ATP2B3: variants seen among roughly 807,000 people sequenced by gnomAD.
ATP2B3 encodes the protein ATPase plasma membrane Ca2+ transporting 3.
In ATP2B3, 12 loss-of-function variants were observed where a neutral mutation model predicts 70.8. The observed-to-expected ratio is 0.17, with a 90% CI of 0.11 to 0.27. The LOEUF (loss-of-function observed/expected upper bound fraction) is 0.27, where lower values mean the gene tolerates loss of function less well. Among genes scored for constraint, ATP2B3 ranks in the 10% least tolerant of loss-of-function variants. ATP2B3 has a pLI of 1.00. For missense variants in ATP2B3, 858 were observed against 1,118.5 expected, an observed-to-expected ratio of 0.77 and a Z score of 3.32; for synonymous variants, 460 against 497.8, an observed-to-expected ratio of 0.92 and a Z score of 1.01.
At chrX:153,529,703 C>T (rs781799857) in intron 2 of ATP2B3, among the ~76,000 whole-genome samples, 6 of 112,115 alleles carry the variant, frequency 5.4e-5, no homozygotes, top group Non-Finnish European at 1.1e-4. Flanking sequence ...GCTCTGGCCC[C>T]GTTCAACCCC....
intron 7 of ATP2B3, 125 bp from the exon 8 acceptor site, chrX:153,545,963 C>T (rs1001448266): frequency 4.2e-6 from 3 of 710,614 alleles, no homozygotes; most frequent in Non-Finnish European, 6.5e-6. Flanking sequence ...CGGGGTGAGC[C>T]TGGAGAGGAC....
Position 153,518,556 on chromosome X carries a change from G to C in ATP2B3, c.-127+5G>C, listed in dbSNP as rs3020939. On this transcript the variant is annotated splice_donor_5th_base_variant and intron_variant, in intron 2 of 21. Transcript: ENST00000263519. The stretch of plus-strand genomic sequence containing the variant: ...TTCTGGAATTTGGAATGGCAGGTGC[G>C]GCATCTCCCAGAGCCTGAGACGATG... Among the ~76,000 whole-genome samples the C allele has an allele frequency of 0.052, 5,772 of 112,038 alleles. 373 individuals are homozygous for C. The highest frequency in any genetic ancestry group is 0.18 in the African/African-American group (5,518 of 30,743).
chrX:153,558,117 C>T lies in ATP2B3; in HGVS notation c.2439C>T (p.Ile813=), dbSNP rs138836691. Reference sequence around the variant, plus strand: ...TGTGTGTGTCACCCCCCCAGGGCATCGCAGGGACCGACGTGGCCAAGGAGG... The same window carrying T: ...TGTGTGTGTCACCCCCCCAGGGCATTGCAGGGACCGACGTGGCCAAGGAGG... ...KKADVGFAMG[I]AGTDVAKEAS... Residue 813 remains isoleucine, a synonymous_variant, in exon 17 of 22, where the codon ATC becomes ATT. Transcript: ENST00000263519. 8.9e-5 allele frequency: 107 copies of T among 1,205,611 alleles called. No individual in the cohort carries two copies. In the African/African-American group the frequency reaches 1.6e-3, roughly 18 times the overall value.
chrX:153,572,120 A>G (rs1369924279), intron 21 of ATP2B3, among the ~76,000 whole-genome samples: 2 of 113,010 alleles, frequency 1.8e-5, no homozygotes, highest in African/African-American at 6.4e-5. Context: ...ACTGGGTCCC[A>G]TAAGCAGCCA....
In ATP2B3 at chrX:153,550,344, T is replaced by C. The variant is rs1569534648; in HGVS notation, c.1823+58T>C. 2.5e-6 allele frequency: 3 copies of C among 1,196,860 alleles called. No homozygotes were observed. In the East Asian group the frequency reaches 8.9e-5, roughly 36 times the overall value. On this transcript the variant is annotated intron_variant, in intron 12 of 21. Coordinates refer to ENST00000263519, the MANE Select transcript of ATP2B3 (RefSeq NM_001001344.3). ...CACGGAGTTTCTGATTCTATTGTCGTGGTAAAAGAGGCCGAACGTAAAATT... is the reference window on the plus strand; with the variant it reads ...CACGGAGTTTCTGATTCTATTGTCGCGGTAAAAGAGGCCGAACGTAAAATT...
chrX:153,541,922 G>A lies in ATP2B3; in HGVS notation c.660G>A (p.Lys220=). 1 of 1,210,483 alleles carries A rather than the reference G, an allele frequency of 8.3e-7. No individual in the cohort carries two copies. The highest frequency in any genetic ancestry group is 1.1e-6 in the Non-Finnish European group (1 of 894,921). ...TGGTGGGGGACATTGCCCAGGTCAA[G>A]TACGGTGAGTGCCCTGGTCTTCACC... The part of the protein sequence containing the change: ...ALVVGDIAQV[K]YGDLLPADGV... The change falls in exon 5 of 22, where the codon AAG becomes AAA. Residue 220 remains lysine (K), a synonymous_variant. Coordinates refer to ENST00000263519, the MANE Select transcript of ATP2B3 (RefSeq NM_001001344.3).
At chrX:153,541,302 CA>C in intron 3 of ATP2B3, 56 bp from the exon 4 acceptor site, 1 of 1,194,786 alleles carries the variant, frequency 8.4e-7, no homozygotes, top group Non-Finnish European at 1.1e-6. Flanking sequence ...CTGGGACACA[CA>C]AGGCCGACCC....
intron 3 of ATP2B3, among the ~76,000 whole-genome samples, chrX:153,541,050 G>A (rs1300896987): frequency 1.8e-5 from 2 of 112,433 alleles, no homozygotes; most frequent in Non-Finnish European, 3.8e-5. Flanking sequence ...GGAAAGCACA[G>A]GGACCTGGGA....
intron 21 of ATP2B3, among the ~76,000 whole-genome samples, chrX:153,574,238 A>G (rs782020989): frequency 4.5e-5 from 5 of 111,563 alleles, no homozygotes; most frequent in Admixed American, 1.9e-4. Context: ...ATTCACCTTC[A>G]CGCCTACAGG....
At chrX:153,577,209 T>C (rs113804023) in intron 21 of ATP2B3, among the ~76,000 whole-genome samples, 3,033 of 112,413 alleles carry the variant, frequency 0.027, 108 homozygotes, top group African/African-American at 0.094. Context: ...CACGCTGGAG[T>C]AGCCGGTGAG....
At chrX:153,529,489 G>T (rs781963031) in intron 2 of ATP2B3, among the ~76,000 whole-genome samples, 2 of 112,148 alleles carry the variant, frequency 1.8e-5, no homozygotes, top group Non-Finnish European at 3.8e-5. Flanking sequence ...GGCCATTCAG[G>T]CCCAGTGTCC....
At chrX:153,549,926 T>C in intron 11 of ATP2B3, 119 bp from the exon 12 acceptor site, 1 of 1,111,611 alleles carries the variant, frequency 9.0e-7, no homozygotes, top group African/African-American at 1.8e-5. Context: ...CTTCCTCTGC[T>C]CCCTGCCGCC....
chrX:153,529,974 C>T, intron 2 of ATP2B3, among the ~76,000 whole-genome samples: 1 of 112,805 alleles, frequency 8.9e-6, no homozygotes, highest in Non-Finnish European at 1.9e-5. Context: ...TATCCATGGA[C>T]ATTGGGTTGC....
chrX:153,561,052 G>A (rs1326881273), intron 19 of ATP2B3, among the ~76,000 whole-genome samples, 165 bp downstream of exon 19: 1 of 111,594 alleles, frequency 9.0e-6, no homozygotes, highest in Non-Finnish European at 1.9e-5. Context: ...TCTGCATGTC[G>A]GAGAGGGCCT....
In ATP2B3 at chrX:153,581,242, G is replaced by A. The variant is rs1370782095; in HGVS notation, c.*944G>A. 1 of 110,994 alleles carries A rather than the reference G, an allele frequency of 9.0e-6. No individual in the cohort carries two copies. The highest frequency in any genetic ancestry group is 1.9e-5 in the Non-Finnish European group (1 of 52,911). The allele number at this position is 110,994 out of a possible 1,213,427, so 9.1% of individuals were successfully genotyped here. ...GCCGAGAGGGGGCGCTCCAGGTCTG[G>A]AGCAGGTATAATTGGAGCATTTGCA... On this transcript the variant is annotated 3_prime_UTR_variant, in exon 22 of 22. Transcript: ENST00000263519.
At chrX:153,567,479 C>T (rs2090725260) in intron 21 of ATP2B3, among the ~76,000 whole-genome samples, 1 of 112,864 alleles carries the variant, frequency 8.9e-6, no homozygotes, top group South Asian at 3.6e-4. Context: ...CCTTGCCCCT[C>T]GGCGGCCCAC....
At chrX:153,540,748 C>T (rs1349150149) in intron 3 of ATP2B3, among the ~76,000 whole-genome samples, 1 of 112,400 alleles carries the variant, frequency 8.9e-6, no homozygotes, top group Non-Finnish European at 1.9e-5. Flanking sequence ...TCAGGGAATT[C>T]ATAGGCTGGG....
At chrX:153,549,165 G>A (rs1452273128) in intron 10 of ATP2B3, among the ~76,000 whole-genome samples, 1 of 100,433 alleles carries the variant, frequency 1.0e-5, no homozygotes, top group African/African-American at 3.7e-5. Flanking sequence ...CCGGGACACT[G>A]GGAGGCAGTG....
rs782579659 is a variant in ATP2B3 at position 153,547,843 on chromosome X, C to A, written c.967C>A (p.Gln323Lys). ...GGTTCCTCTGTGTGCAGCTAAGAAG[C>A]AGGATGGTGCAGTGGCCATGGAGAT... is the stretch of plus-strand genomic sequence containing the variant. ...MESSQTKAKK[Q>K]DGAVAMEMQP... The change falls in exon 9 of 22, where the codon CAG (glutamine) becomes AAG (lysine). Residue 323 changes from glutamine to lysine, a missense_variant. Transcript: ENST00000263519. The A allele has an allele frequency of 1.2e-5, 14 of 1,195,221 alleles. No homozygotes were observed. In the South Asian group the frequency reaches 2.6e-4, roughly 22 times the overall value.
Sources: allele counts gnomAD v4.1 joint callset (sites outside exome capture counted in the v4.1 genomes callset), GRCh38; gene constraint gnomAD v4.1.1; transcripts MANE v1.5; gene names NCBI Gene and HGNC (gene_info 2026-07-23, HGNC 2026-07-21).